Variants in BTBD9 observed in about 807,000 individuals in gnomAD.
BTBD9 encodes BTB/POZ domain-containing protein 9.
A neutral mutation model predicts 64.3 loss-of-function variants in BTBD9; 49 were observed. That is an observed-to-expected ratio of 0.76 (90% CI 0.61 to 0.97). BTBD9 has a LOEUF of 0.97. Among genes scored for constraint, BTBD9 ranks in the 50% least tolerant of loss-of-function variants. The pLI is 0.00. For synonymous variants in BTBD9, 260 were observed against 274.7 expected (o/e 0.95, Z 0.53); for missense variants, 598 against 762.1 (o/e 0.78, Z 2.53).
chr6:38,321,046 G>C (rs753351607), intron 7 of BTBD9, among the ~76,000 whole-genome samples: 10 of 152,330 alleles, frequency 6.6e-5, no homozygotes, highest in Non-Finnish European at 1.3e-4. Context: ...AAGATCATCT[G>C]AGTCATTTGA....
At chr6:38,361,336 G>A (rs1469376614) in intron 6 of BTBD9, among the ~76,000 whole-genome samples, 2 of 152,034 alleles carry the variant, frequency 1.3e-5, no homozygotes, top group African/African-American at 4.8e-5. Flanking sequence ...TTGAGGCTGG[G>A]AGTTTAAGAC....
intron 9 of BTBD9, among the ~76,000 whole-genome samples, chr6:38,202,405 CAG>C (rs536919049): frequency 6.7e-6 from 1 of 149,184 alleles, no homozygotes; most frequent in Non-Finnish European, 1.5e-5. Context: ...TTTACAGAAA[CAG>C]AAAAAAAAAA....
At chr6:38,204,172 AG>A (rs1427097469) in intron 9 of BTBD9, among the ~76,000 whole-genome samples, 1 of 152,170 alleles carries the variant, frequency 6.6e-6, no homozygotes, top group African/African-American at 2.4e-5. Flanking sequence ...GCAGTTCCTC[AG>A]GTGGTTAAAT....
chr6:38,439,904 C>G (rs1201020779), intron 6 of BTBD9, among the ~76,000 whole-genome samples: 1 of 152,046 alleles, frequency 6.6e-6, no homozygotes, highest in Non-Finnish European at 1.5e-5. Context: ...TGCTGGCAGT[C>G]AAGAAGAGGG....
chr6:38,304,481 A>G (rs989526300), intron 7 of BTBD9, among the ~76,000 whole-genome samples: 7 of 152,054 alleles, frequency 4.6e-5, no homozygotes, highest in African/African-American at 1.7e-4. Context: ...GGGAGGCAGA[A>G]GTTGCAATGG....
chr6:38,348,654 G>A (rs894303120), intron 6 of BTBD9, among the ~76,000 whole-genome samples: 1 of 152,064 alleles, frequency 6.6e-6, no homozygotes, highest in Non-Finnish European at 1.5e-5. Flanking sequence ...TCTTCAAGTA[G>A]CTGACAAAGA....
At chr6:38,639,236 G>C (rs1309351291) in intron 1 of BTBD9, among the ~76,000 whole-genome samples, 1 of 152,256 alleles carries the variant, frequency 6.6e-6, no homozygotes, top group African/African-American at 2.4e-5. Flanking sequence ...TGTGAAGTTA[G>C]AAACTCTAGG....
chr6:38,266,678 G>GAAAGA (rs138593243), intron 8 of BTBD9, among the ~76,000 whole-genome samples: 47 of 133,108 alleles, frequency 3.5e-4, no homozygotes, highest in Admixed American at 1.0e-3. Flanking sequence ...AAGAAAGAAA[G>GAAAGA]AAGAAAAAGA....
At chr6:38,424,377 G>A (rs895676471) in intron 6 of BTBD9, among the ~76,000 whole-genome samples, 1 of 151,754 alleles carries the variant, frequency 6.6e-6, no homozygotes, top group Non-Finnish European at 1.5e-5. Flanking sequence ...ATATAATACC[G>A]CCCAACAACT....
chr6:38,256,880 G>GATTTTT, intron 8 of BTBD9, among the ~76,000 whole-genome samples: 2 of 152,096 alleles, frequency 1.3e-5, no homozygotes, highest in Middle Eastern at 6.8e-3. Flanking sequence ...ATTTCGAGTT[G>GATTTTT]ATTTTTATTT....
At chr6:38,604,207 T>C (rs1413147851) in intron 1 of BTBD9, among the ~76,000 whole-genome samples, 2 of 152,224 alleles carry the variant, frequency 1.3e-5, no homozygotes, top group African/African-American at 2.4e-5. Flanking sequence ...ATTCCTGACA[T>C]ACCTTCTTCT....
rs542081194 is a variant in BTBD9 at position 38,512,639 on chromosome 6, C to T, written c.1154+64961G>A. ...CATTTTGCCCACCCTTTCAGACACA[C>T]AAAAACAAACACACAAATAATTCTT... On this transcript the variant is annotated intron_variant, in intron 6 of 10. Coordinates refer to ENST00000481247, the MANE Select transcript of BTBD9 (RefSeq NM_001099272.2). Among the ~76,000 whole-genome samples, 83 of 152,292 alleles carry T rather than the reference C, an allele frequency of 5.5e-4. 1 individual carries two copies. Among genetic ancestry groups the T allele is most frequent in the Non-Finnish European group, 1.1e-3 (77 of 68,018 alleles).
At chr6:38,200,966 G>A (rs1424900913) in intron 9 of BTBD9, among the ~76,000 whole-genome samples, 1 of 152,050 alleles carries the variant, frequency 6.6e-6, no homozygotes, top group Non-Finnish European at 1.5e-5. Flanking sequence ...ATTGCAGTGA[G>A]CATTGATTGT....
In BTBD9 at chr6:38,204,450, A is replaced by G. The variant is rs371065208; in HGVS notation, c.1563-11853T>C. 3.7e-3 allele frequency among the ~76,000 whole-genome samples: 561 copies of G among 152,318 alleles called. 9 individuals are homozygous for G. Among genetic ancestry groups the G allele is most frequent in the African/African-American group, 0.013 (535 of 41,584 alleles). ...TGAACCCGCTAAGTGAAAGAAGCCA[A>G]TAACAAAGGATCATGTATTGTATGA... On this transcript the variant is annotated intron_variant, in intron 9 of 10. Transcript: ENST00000481247.
At chr6:38,222,932 G>GT (rs1333230754) in intron 9 of BTBD9, among the ~76,000 whole-genome samples, 3 of 152,160 alleles carry the variant, frequency 2.0e-5, no homozygotes, top group Non-Finnish European at 4.4e-5. Flanking sequence ...TTAAGATGGA[G>GT]TTTTGTTCTT....
intron 8 of BTBD9, among the ~76,000 whole-genome samples, chr6:38,264,633 T>C (rs1764907788): frequency 6.6e-6 from 1 of 152,186 alleles, no homozygotes; most frequent in African/African-American, 2.4e-5. Context: ...AAAGAGGGAC[T>C]TTCCCAAAGA....
chr6:38,344,948 C>A, intron 7 of BTBD9, 36 bp downstream of exon 7: 3 of 1,340,804 alleles, frequency 2.2e-6, no homozygotes, highest in Non-Finnish European at 2.1e-6. Flanking sequence ...ATAAAATATC[C>A]AAATATACAT....
At chr6:38,250,046 A>G (rs891601881) in intron 9 of BTBD9, among the ~76,000 whole-genome samples, 2 of 152,216 alleles carry the variant, frequency 1.3e-5, no homozygotes, top group African/African-American at 4.8e-5. Context: ...TTTTAAAATC[A>G]TAAGCAATGT....
chr6:38,546,653 G>A (rs892540824), intron 6 of BTBD9, among the ~76,000 whole-genome samples: 2 of 151,920 alleles, frequency 1.3e-5, no homozygotes, highest in East Asian at 1.9e-4. Flanking sequence ...TATCTGTTAC[G>A]ATACTGTTTT....
Sources: gnomAD v4.1 joint callset for allele counts (sites outside exome capture counted in the v4.1 genomes callset) on GRCh38, gnomAD v4.1.1 for gene constraint, MANE v1.5 for transcripts, NCBI Gene and HGNC (gene_info 2026-07-23, HGNC 2026-07-21) for gene names.